PIP4K2A: variants seen among roughly 807,000 people sequenced by gnomAD.
PIP4K2A encodes phosphatidylinositol 5-phosphate 4-kinase type-2 alpha.
Under a neutral mutation model 42.9 loss-of-function variants are expected in PIP4K2A, and 14 were observed. The observed-to-expected ratio is 0.33, with a 90% CI of 0.22 to 0.51. The LOEUF (loss-of-function observed/expected upper bound fraction) is 0.51, where lower values mean the gene tolerates loss of function less well. Among genes scored for constraint, PIP4K2A ranks in the 20% least tolerant of loss-of-function variants. PIP4K2A has a pLI of 0.97. For synonymous variants in PIP4K2A, 192 were observed against 192.2 expected (o/e 1.00, Z 0.01); for missense variants, 434 against 519.8 (o/e 0.83, Z 1.61).
intron 1 of PIP4K2A, among the ~76,000 whole-genome samples, chr10:22,702,768 A>G (rs957298668): frequency 2.0e-5 from 3 of 152,170 alleles, no homozygotes; most frequent in Admixed American, 6.5e-5. Flanking sequence ...GCCTCATGGT[A>G]TACCACCTGA....
chr10:22,548,871 C>A (rs894241824), intron 7 of PIP4K2A, among the ~76,000 whole-genome samples: 2 of 139,044 alleles, frequency 1.4e-5, no homozygotes, highest in African/African-American at 2.8e-5. Context: ...CAAAGCAAGA[C>A]CCTAGTCTCT....
At chr10:22,567,073 T>G (rs553911289) in intron 6 of PIP4K2A, among the ~76,000 whole-genome samples, 37 of 152,350 alleles carry the variant, frequency 2.4e-4, no homozygotes, top group East Asian at 3.9e-4. Context: ...TTTTGAGCTC[T>G]GTTTTCAAAT....
In PIP4K2A at chr10:22,654,367, T is replaced by C. The variant is rs1839053130; in HGVS notation, c.145-44650A>G. 3.9e-5 allele frequency among the ~76,000 whole-genome samples: 6 copies of C among 152,182 alleles called. No homozygotes were observed. The South Asian group carries it at 6.2e-4, about 16-fold the overall frequency. ...GCTCTCACTTTCCAAGAATTTACCA[T>C]GTGTGGAGAAAAAAAAGACGTGTAA... On this transcript the variant is annotated intron_variant, in intron 1 of 9. Coordinates refer to ENST00000376573, the MANE Select transcript of PIP4K2A (RefSeq NM_005028.5).
At chr10:22,549,501 T>C (rs911152273) in intron 7 of PIP4K2A, among the ~76,000 whole-genome samples, 3 of 152,050 alleles carry the variant, frequency 2.0e-5, no homozygotes, top group African/African-American at 7.2e-5. Context: ...CTGCCTAAAT[T>C]CTAATTCCCA....
In PIP4K2A at chr10:22,669,499, G is replaced by C. The variant is rs540871847; in HGVS notation, c.144+44684C>G. 2.6e-5 allele frequency among the ~76,000 whole-genome samples: 4 copies of C among 152,166 alleles called. No homozygotes were observed. In the East Asian group the frequency reaches 7.7e-4, roughly 29 times the overall value. On this transcript the variant is annotated intron_variant, in intron 1 of 9. Coordinates refer to ENST00000376573, the MANE Select transcript of PIP4K2A (RefSeq NM_005028.5). Reference sequence around the variant, plus strand: ...CAAACAAACAAAAAACAACAAAACTGTCAGAAGCAAAAACCAAGCTATGAA... The same window carrying C: ...CAAACAAACAAAAAACAACAAAACTCTCAGAAGCAAAAACCAAGCTATGAA...
At chr10:22,713,979 G>A (rs906399490) in intron 1 of PIP4K2A, 8 of 513,520 alleles carry the variant, frequency 1.6e-5, no homozygotes, top group South Asian at 2.4e-5. Context: ...TAGATCTAAA[G>A]GGGACGCAAG....
intron 7 of PIP4K2A, among the ~76,000 whole-genome samples, chr10:22,547,346 AGTT>A (rs1289228086): frequency 6.6e-6 from 1 of 152,196 alleles, no homozygotes; most frequent in Non-Finnish European, 1.5e-5. Flanking sequence ...ATGTCAGAGT[AGTT>A]AAGGACTGTG....
At chr10:22,601,875 G>C (rs540668236) in intron 3 of PIP4K2A, among the ~76,000 whole-genome samples, 1 of 152,108 alleles carries the variant, frequency 6.6e-6, no homozygotes, top group Non-Finnish European at 1.5e-5. Flanking sequence ...TCTGTGACCC[G>C]CATCCCTGCT....
intron 1 of PIP4K2A, among the ~76,000 whole-genome samples, chr10:22,677,958 T>C (rs914768442): frequency 2.6e-5 from 4 of 152,152 alleles, no homozygotes; most frequent in Non-Finnish European, 5.9e-5. Flanking sequence ...AAAAAGAATC[T>C]AAAAATACGA....
At chr10:22,538,738 G>C (rs1406898271) in intron 9 of PIP4K2A, among the ~76,000 whole-genome samples, 1 of 152,120 alleles carries the variant, frequency 6.6e-6, no homozygotes, top group East Asian at 1.9e-4. Flanking sequence ...TGTTTAAAAA[G>C]AGTACTCAAA....
rs116187690 is a variant in PIP4K2A at position 22,701,392 on chromosome 10, C to T, written c.144+12791G>A. On this transcript the variant is annotated intron_variant, in intron 1 of 9. Transcript: ENST00000376573. Reference sequence around the variant, plus strand: ...CAGCAGTATCTTCAAACCTTTTAGGCTATGGGCCACTTAGACAACACAGCT... The same window carrying T: ...CAGCAGTATCTTCAAACCTTTTAGGTTATGGGCCACTTAGACAACACAGCT... Among the ~76,000 whole-genome samples, 617 of 152,328 alleles carry T rather than the reference C, an allele frequency of 4.1e-3. 3 individuals are homozygous for T. The highest frequency in any genetic ancestry group is 0.014 in the African/African-American group (598 of 41,566).
Position 22,568,917 on chromosome 10 carries a change from G to A in PIP4K2A, c.640-1028C>T, listed in dbSNP as rs80261471. 5.2e-3 allele frequency: 4,788 copies of A among 919,866 alleles called. 148 individuals carry two copies. The African/African-American group carries it at 0.063, about 12-fold the overall frequency. 57.0% of individuals were successfully genotyped at this position (919,866 alleles called of 1,614,324 possible). A position where few individuals can be genotyped will look rare whatever the true frequency, so the allele number is the denominator to read the frequency against. On this transcript the variant is annotated intron_variant, in intron 5 of 9. Coordinates refer to ENST00000376573, the MANE Select transcript of PIP4K2A (RefSeq NM_005028.5). The stretch of plus-strand genomic sequence containing the variant: ...CCTGCACTGGACACCCCTAACTATC[G>A]TGAGGTCAGCCAAGCCACTTGCTTC...
chr10:22,565,813 G>A (rs1348170247), intron 6 of PIP4K2A, among the ~76,000 whole-genome samples: 2 of 130,950 alleles, frequency 1.5e-5, no homozygotes, highest in Non-Finnish European at 3.2e-5. Flanking sequence ...GAGAATACGC[G>A]CCTGGAGATA....
intron 4 of PIP4K2A, among the ~76,000 whole-genome samples, chr10:22,579,091 G>A (rs888881023): frequency 3.9e-5 from 6 of 152,030 alleles, no homozygotes; most frequent in South Asian, 2.1e-4. Flanking sequence ...GGCATATGTC[G>A]GGCATGAAAG....
At chr10:22,642,622 A>C (rs1277932578) in intron 1 of PIP4K2A, among the ~76,000 whole-genome samples, 1 of 34,214 alleles carries the variant, frequency 2.9e-5, no homozygotes, top group Non-Finnish European at 6.3e-5. Context: ...CTCTATATAC[A>C]CACACACTGA....
chr10:22,591,303 C>G (rs946047073), intron 4 of PIP4K2A, among the ~76,000 whole-genome samples: 2 of 152,234 alleles, frequency 1.3e-5, no homozygotes, highest in Admixed American at 6.5e-5. Context: ...TAATCTCTGG[C>G]ACAGGCAAAA....
intron 1 of PIP4K2A, among the ~76,000 whole-genome samples, chr10:22,634,261 C>G (rs919203074): frequency 6.6e-6 from 1 of 152,160 alleles, no homozygotes; most frequent in African/African-American, 2.4e-5. Flanking sequence ...TTACTGCTGG[C>G]CAATCTAAAA....
chr10:22,636,248 A>G (rs1463658798), intron 1 of PIP4K2A, among the ~76,000 whole-genome samples: 1 of 152,108 alleles, frequency 6.6e-6, no homozygotes, highest in Non-Finnish European at 1.5e-5. Context: ...TATTTTTCAA[A>G]TTTATTTATT....
At chr10:22,568,446 A>ACTT (rs1490375375) in intron 5 of PIP4K2A, among the ~76,000 whole-genome samples, 5 of 152,124 alleles carry the variant, frequency 3.3e-5, no homozygotes, top group Non-Finnish European at 7.4e-5. Context: ...TGCTTGCTAT[A>ACTT]CATCAGTCCC....
Sources: allele counts gnomAD v4.1 joint callset (sites outside exome capture counted in the v4.1 genomes callset), GRCh38; gene constraint gnomAD v4.1.1; transcripts MANE v1.5; gene names NCBI Gene and HGNC (gene_info 2026-07-23, HGNC 2026-07-21).